GABRA2: variants seen among roughly 807,000 people sequenced by gnomAD.
GABRA2 encodes gamma-aminobutyric acid type A receptor subunit alpha2.
A neutral mutation model predicts 48.7 loss-of-function variants in GABRA2; 16 were observed. The ratio of observed to expected loss-of-function variants is 0.33; its 90% CI spans 0.22 to 0.50. The LOEUF is 0.50. Ranked by LOEUF, GABRA2 falls within the 20% of genes least tolerant of loss-of-function variation. GABRA2 has a pLI of 0.98. For synonymous variants in GABRA2, 185 were observed against 184.5 expected (o/e 1.00, Z -0.02); for missense variants, 275 against 535.6 (o/e 0.51, Z 4.80).
chr4:46,309,936 C>T (rs1045050239), intron 6 of GABRA2, among the ~76,000 whole-genome samples: 1 of 152,152 alleles, frequency 6.6e-6, no homozygotes, highest in Non-Finnish European at 1.5e-5. Context: ...TAATTTTACA[C>T]ATGTACTAAA....
chr4:46,269,060 G>T (rs945666960), intron 8 of GABRA2, among the ~76,000 whole-genome samples: 22 of 151,796 alleles, frequency 1.4e-4, no homozygotes, highest in African/African-American at 5.3e-4. Context: ...GAAATGGGAA[G>T]ATGATAACCA....
In GABRA2 at chr4:46,256,210, G is replaced by A. The variant is rs1302066106; in HGVS notation, c.1060-5606C>T. 2.2e-5 allele frequency: 15 copies of A among 675,358 alleles called. No homozygotes were observed. The Admixed American group carries it at 3.2e-4, about 14-fold the overall frequency. The allele number at this position is 675,358 out of a possible 1,614,324, so 41.8% of individuals were successfully genotyped here. A position where few individuals can be genotyped will look rare whatever the true frequency, so the allele number is the denominator to read the frequency against. ...TGATACTTACAGAAGATTGTTTGAA[G>A]GTTAAACAGTCCATCCACTTCTCTA... On this transcript the variant is annotated intron_variant, in intron 9 of 9. Transcript: ENST00000381620.
At chr4:46,361,279 C>T (rs1713141714) in intron 3 of GABRA2, among the ~76,000 whole-genome samples, 2 of 152,088 alleles carry the variant, frequency 1.3e-5, no homozygotes, top group Admixed American at 6.5e-5. Context: ...CCGAGGGTCC[C>T]CCTGCTGTGT....
intron 8 of GABRA2, among the ~76,000 whole-genome samples, chr4:46,272,604 C>A (rs1161776520): frequency 1.3e-5 from 2 of 151,936 alleles, no homozygotes; most frequent in African/African-American, 4.8e-5. Flanking sequence ...GAGCAGCCCA[C>A]CTTGAAATGG....
intron 4 of GABRA2, among the ~76,000 whole-genome samples, chr4:46,322,796 G>A (rs1173358669): frequency 6.6e-6 from 1 of 151,960 alleles, no homozygotes; most frequent in Non-Finnish European, 1.5e-5. Context: ...TGAGACATAA[G>A]AAGAAAGGCA....
intron 8 of GABRA2, among the ~76,000 whole-genome samples, chr4:46,292,390 C>T (rs1178791054): frequency 6.6e-6 from 1 of 152,094 alleles, no homozygotes; most frequent in Non-Finnish European, 1.5e-5. Flanking sequence ...TGCAGCCTCA[C>T]CAGGTGTCTA....
chr4:46,372,472 C>T (rs890941413), intron 3 of GABRA2, among the ~76,000 whole-genome samples: 1 of 152,024 alleles, frequency 6.6e-6, no homozygotes, highest in African/African-American at 2.4e-5. Flanking sequence ...GAGAAGGAAA[C>T]ACTAAGGAAG....
At chr4:46,315,483 T>A (rs1728395786) in intron 4 of GABRA2, among the ~76,000 whole-genome samples, 1 of 151,924 alleles carries the variant, frequency 6.6e-6, no homozygotes, top group African/African-American at 2.4e-5. Context: ...CCATGCAAAC[T>A]CATGTTATGC....
intron 8 of GABRA2, among the ~76,000 whole-genome samples, chr4:46,296,602 C>T (rs1293565145): frequency 6.9e-6 from 1 of 143,996 alleles, no homozygotes; most frequent in Non-Finnish European, 1.5e-5. Context: ...CAATCCAGGA[C>T]TACAAATGGC....
intron 4 of GABRA2, among the ~76,000 whole-genome samples, chr4:46,316,261 C>T (rs192408604): frequency 1.3e-5 from 2 of 152,074 alleles, no homozygotes; most frequent in African/African-American, 4.8e-5. Flanking sequence ...AGAAGAGTTA[C>T]TCTAGAACAG....
At chr4:46,281,040 T>G (rs1721435331) in intron 8 of GABRA2, among the ~76,000 whole-genome samples, 1 of 152,202 alleles carries the variant, frequency 6.6e-6, no homozygotes, top group South Asian at 2.1e-4. Flanking sequence ...TTAAGCCACC[T>G]TATCTATGGT....
intron 3 of GABRA2, among the ~76,000 whole-genome samples, chr4:46,370,573 A>G (rs1048496462): frequency 6.6e-6 from 1 of 152,146 alleles, no homozygotes; most frequent in Admixed American, 6.6e-5. Flanking sequence ...GCTGAGAAAT[A>G]TAATTTGATG....
rs184899036 is a variant in GABRA2 at position 46,386,042 on chromosome 4, C to T, written c.187+32G>A. ...CTTAACTTTTAAAGGCATTATTTTACGAGAGTTTTAAAAGAGGAAAACTAT... is the reference window on the plus strand; with the variant it reads ...CTTAACTTTTAAAGGCATTATTTTATGAGAGTTTTAAAAGAGGAAAACTAT... On this transcript the variant is annotated intron_variant, in intron 3 of 9. Coordinates refer to ENST00000381620, the MANE Select transcript of GABRA2 (RefSeq NM_000807.4). 1.0e-3 allele frequency: 1,390 copies of T among 1,328,228 alleles called. 2 individuals are homozygous for T. Among genetic ancestry groups the T allele is most frequent in the Non-Finnish European group, 1.4e-3 (1,255 of 925,322 alleles). 82.3% of individuals were successfully genotyped at this position (1,328,228 alleles called of 1,614,324 possible).
chr4:46,268,015 G>A (rs1560452581), intron 8 of GABRA2, among the ~76,000 whole-genome samples: 4 of 151,784 alleles, frequency 2.6e-5, no homozygotes. Flanking sequence ...TTTGGATAAG[G>A]GATAGTCGAC....
chr4:46,378,708 T>G (rs4586991), intron 3 of GABRA2, among the ~76,000 whole-genome samples: 36,886 of 151,568 alleles, frequency 0.24, 4,777 homozygotes, highest in African/African-American at 0.29. Flanking sequence ...ACACCTGTGG[T>G]CCTAGCTACT....
At chr4:46,326,333 T>C (rs1029025166) in intron 4 of GABRA2, among the ~76,000 whole-genome samples, 1 of 151,882 alleles carries the variant, frequency 6.6e-6, no homozygotes, top group Non-Finnish European at 1.5e-5. Context: ...CCCCAGGTGA[T>C]GTTTTACTAT....
chr4:46,331,812 A>C (rs1384961610), intron 4 of GABRA2, among the ~76,000 whole-genome samples: 2 of 152,098 alleles, frequency 1.3e-5, no homozygotes, highest in African/African-American at 2.4e-5. Context: ...GCTCACTGCA[A>C]CTTCGACCTC....
intron 9 of GABRA2, chr4:46,260,721 T>C (rs1170180636): frequency 6.6e-6 from 1 of 151,892 alleles, no homozygotes. Context: ...TATTAAATTG[T>C]AATGGAAATG....
chr4:46,389,465 T>A (rs976437539), intron 1 of GABRA2: 1 of 912,540 alleles, frequency 1.1e-6, no homozygotes, highest in African/African-American at 1.8e-5. Flanking sequence ...GCAGCGGTAA[T>A]CACAGTGAGC....
Sources: allele counts gnomAD v4.1 joint callset (sites outside exome capture counted in the v4.1 genomes callset), GRCh38; gene constraint gnomAD v4.1.1; transcripts MANE v1.5; gene names NCBI Gene and HGNC (gene_info 2026-07-23, HGNC 2026-07-21).